The following ADGRE5 variants were observed in gnomAD, a reference collection of about 807,000 sequenced individuals.
ADGRE5 encodes CD97 molecule.
Under a neutral mutation model 100.3 loss-of-function variants are expected in ADGRE5, and 72 were observed. That is an observed-to-expected ratio of 0.72 (90% CI 0.59 to 0.87). The LOEUF (loss-of-function observed/expected upper bound fraction) is 0.87, where lower values mean the gene tolerates loss of function less well. Among genes scored for constraint, ADGRE5 ranks in the 40% least tolerant of loss-of-function variants. The probability of loss-of-function intolerance (pLI) is 0.00; values close to 1 mark genes in which losing one functional copy is unlikely to be tolerated. For synonymous variants in ADGRE5, 439 were observed against 447.8 expected (o/e 0.98, Z 0.25); for missense variants, 959 against 1,094.7 (o/e 0.88, Z 1.75).
At chr19:14,404,988 C>T (rs188155735) in intron 13 of ADGRE5, 6 of 181,126 alleles carry the variant, frequency 3.3e-5, no homozygotes, top group African/African-American at 7.2e-5. Context: ...AGATTACAGG[C>T]GTGCACCACC....
rs746258131 is a variant in ADGRE5, at chr19:14,401,596, C to G, written c.1075+33C>G. On this transcript the variant is annotated intron_variant, in intron 10 of 19. Coordinates refer to ENST00000242786, the MANE Select transcript of ADGRE5 (RefSeq NM_078481.4). This position sits in a 1 kb window ranked among gnomAD's most constrained non-coding sequence, Gnocchi z 4.1. ...CTTGGCCTGGCCTGCCCTGCCCCAA[C>G]CCTGGGCCCCACCTGGTACCTGGGG... 2.5e-6 allele frequency: 4 copies of G among 1,607,588 alleles called. No homozygotes were observed. In the African/African-American group the frequency reaches 5.4e-5, roughly 22 times the overall value.
chr19:14,390,857 A>G (rs532751957), intron 3 of ADGRE5, 67 bp from the exon 4 acceptor site: 1 of 1,576,504 alleles, frequency 6.3e-7, no homozygotes. Context: ...GGGAGTCAGG[A>G]TGGGGGTCTC....
In ADGRE5 at chr19:14,387,495, G is replaced by A. The variant is rs185187590; in HGVS notation, c.23-955G>A. Among the ~76,000 whole-genome samples the A allele has an allele frequency of 2.3e-3, 353 of 150,564 alleles. 3 individuals carry two copies. The highest frequency in any genetic ancestry group is 8.1e-3 in the African/African-American group (330 of 40,958). ...TGTAATCCCAGCACTTTGGGAGGCC[G>A]AGGTGGGTGGATCACGAGGTCAGGA... On this transcript the variant is annotated intron_variant, in intron 1 of 19. Transcript: ENST00000242786.
chr19:14,407,204 T>C lies in ADGRE5; in HGVS notation c.2351T>C (p.Leu784Pro). 1 of 1,614,020 alleles carries C rather than the reference T, an allele frequency of 6.2e-7. No homozygotes were observed. Among genetic ancestry groups the C allele is most frequent in the Non-Finnish European group, 8.5e-7 (1 of 1,179,980 alleles). Residue 784 changes from leucine to proline, a missense_variant, in exon 18 of 20, where the codon CTG (leucine) becomes CCG (proline). Physicochemically the swap from Leu to Pro is moderately conservative, Grantham distance 98 (BLOSUM62 -3). Transcript: ENST00000242786. ...LNCLQGAFLY[L>P]LHCLLNKKVR... ...TGCCTGCAGGGCGCCTTCCTCTACC[T>C]GCTGCACTGCCTGCTCAACAAGAAG...
At chr19:14,389,531 G>A (rs1016690541) in intron 3 of ADGRE5, among the ~76,000 whole-genome samples, 16 of 150,998 alleles carry the variant, frequency 1.1e-4, no homozygotes, top group African/African-American at 2.4e-4. Flanking sequence ...TTGGGAATTC[G>A]AGACTAGCCT....
intron 4 of ADGRE5, chr19:14,391,366 A>G (rs1261226931): frequency 6.8e-6 from 3 of 440,478 alleles, no homozygotes; most frequent in Non-Finnish European, 1.2e-5. Flanking sequence ...GAGATGTGAT[A>G]ACGTTATCAT....
chr19:14,407,347 GC>G, intron 18 of ADGRE5, 118 bp downstream of exon 18: 1 of 1,172,184 alleles, frequency 8.5e-7, no homozygotes, highest in Non-Finnish European at 1.2e-6. Context: ...ATAACCAGAT[GC>G]TGTCTTTACA....
At position 14,401,339 on chromosome 19, in the gene ADGRE5, C is replaced by T; in HGVS notation, c.898-47C>T. ...GTGACATCCAGGTCCTTCAGGCAAC[C>T]CCTGTGGTCTGATGCTCCAGCGATT... On this transcript the variant is annotated intron_variant, in intron 9 of 19. Coordinates refer to ENST00000242786, the MANE Select transcript of ADGRE5 (RefSeq NM_078481.4). This position sits in a 1 kb window ranked among gnomAD's most constrained non-coding sequence, Gnocchi z 4.1. 1 of 1,574,360 alleles carries T rather than the reference C, an allele frequency of 6.4e-7. No homozygotes were observed.
At position 14,402,771 on chromosome 19, in the gene ADGRE5, A is replaced by G. The variant is rs141666295; in HGVS notation, c.1358A>G (p.Asn453Ser). ...GTCAACTCCATCTTTCTGAGCCACAACAACACCAAGGAACTCAACTCCCCC... is the reference window on the plus strand; with the variant it reads ...GTCAACTCCATCTTTCTGAGCCACAGCAACACCAAGGAACTCAACTCCCCC... ...SAVNSIFLSH[N>S]NTKELNSPIL... Residue 453 changes from asparagine to serine, a missense_variant, in exon 12 of 20, where the codon AAC becomes AGC. Physicochemically the swap from Asn to Ser is conservative, Grantham distance 46. This residue lies in a region of ADGRE5 where 246 missense variants were observed against 242.2 expected (regional missense o/e 1.02). Transcript: ENST00000242786. The G allele has an allele frequency of 2.5e-6, 4 of 1,613,956 alleles. No homozygotes were observed. The highest frequency in any genetic ancestry group is 1.7e-5 in the Admixed American group (1 of 59,980).
At chr19:14,396,286 G>A in intron 4 of ADGRE5, 56 bp from the exon 5 acceptor site, 1 of 1,613,790 alleles carries the variant, frequency 6.2e-7, no homozygotes, top group Non-Finnish European at 8.5e-7. Flanking sequence ...CGGACCCTCA[G>A]CCCTGAAAGC....
In ADGRE5 at chr19:14,397,163, C is replaced by T. The variant is rs996096882; in HGVS notation, c.565C>T (p.Arg189Cys). Residue 189 changes from arginine to cysteine, a missense_variant, in exon 6 of 20, where the codon CGC (arginine) becomes TGC (cysteine). Arg to Cys is a radical substitution (Grantham distance 180). Around this residue, in one of 6 missense-constraint regions of ADGRE5, gnomAD observed 83 missense variants for 88.8 expected, o/e 0.93. Transcript: ENST00000242786. ...NNVGSYQCRC[R>C]PGWQPIPGSP... ...CGTGGGCAGCTATCAGTGCCGCTGC[C>T]GCCCGGGCTGGCAACCGATTCCGGG... 1.0e-4 allele frequency: 165 copies of T among 1,613,992 alleles called. No homozygotes were observed. The highest frequency in any genetic ancestry group is 1.3e-4 in the Non-Finnish European group (154 of 1,180,028).
Position 14,388,822 on chromosome 19 carries a change from C to G in ADGRE5, c.190+4C>G. 3 of 1,612,574 alleles carry G rather than the reference C, an allele frequency of 1.9e-6. No homozygotes were observed. Among genetic ancestry groups the G allele is most frequent in the Non-Finnish European group, 2.5e-6 (3 of 1,178,960 alleles). On this transcript the variant is annotated splice_donor_region_variant and intron_variant, in intron 3 of 19. Transcript: ENST00000242786. ...ACCCCGACGGAGACTTGTGACGGTACAGAGGCTTGAGGGCAGCGCAGGGGA... is the reference window on the plus strand; with the variant it reads ...ACCCCGACGGAGACTTGTGACGGTAGAGAGGCTTGAGGGCAGCGCAGGGGA...
At chr19:14,389,902 C>G (rs28672314) in intron 3 of ADGRE5, among the ~76,000 whole-genome samples, 65,035 of 151,258 alleles carry the variant, frequency 0.43, 14,758 homozygotes, top group East Asian at 0.59. Flanking sequence ...AACCTCATCT[C>G]TACTAAAAAT....
At chr19:14,388,007 T>C (rs1975421663) in intron 1 of ADGRE5, among the ~76,000 whole-genome samples, 5 of 151,040 alleles carry the variant, frequency 3.3e-5, no homozygotes, top group South Asian at 2.1e-4. Context: ...ACCCAGGAGG[T>C]AGAGATTGCA....
intron 1 of ADGRE5, among the ~76,000 whole-genome samples, chr19:14,384,268 C>T (rs1173941837): frequency 2.0e-5 from 3 of 152,026 alleles, no homozygotes; most frequent in Admixed American, 2.0e-4. Flanking sequence ...TCTCTGCCTT[C>T]CACCCACCTA....
chr19:14,404,866 GTT>G (rs779348170), intron 13 of ADGRE5: 1,129 of 242,440 alleles, frequency 4.7e-3, no homozygotes, highest in South Asian at 6.8e-3. Context: ...CCACTTGCCC[GTT>G]TTTTTTTTTT....
At position 14,386,858 on chromosome 19, in the gene ADGRE5, CA is replaced by C. The variant is rs779869603; in HGVS notation, c.23-1585del. Among the ~76,000 whole-genome samples, 3 of 151,094 alleles carry C rather than the reference CA, an allele frequency of 2.0e-5. No individual in the cohort carries two copies. The East Asian group carries it at 5.9e-4, about 30-fold the overall frequency. On this transcript the variant is annotated intron_variant, in intron 1 of 19. Transcript: ENST00000242786. ...GTGAAACCCCGTCTCTACAAAAATA[CA>C]AAAAAATCAGCCGGGCTTGGTGGCG...
chr19:14,397,891 A>G lies in ADGRE5; in HGVS notation c.775A>G (p.Met259Val). Reference sequence around the variant, plus strand: ...GCCGCTTGTCTTGTTCCCTACAGATATGACTTTCTCCACCTGGACCCCGCC... The same window carrying G: ...GCCGCTTGTCTTGTTCCCTACAGATGTGACTTTCTCCACCTGGACCCCGCC... ...NNQKDTVCED[M>V]TFSTWTPPPG... is the part of the protein sequence containing the mutation. The change falls in exon 8 of 20, where the codon ATG becomes GTG. Residue 259 changes from methionine to valine, a missense_variant and splice_region_variant. Around this residue, in one of 6 missense-constraint regions of ADGRE5, gnomAD observed 69 missense variants for 135.0 expected, o/e 0.51. Transcript: ENST00000242786. 1 of 1,077,348 alleles carries G rather than the reference A, an allele frequency of 9.3e-7. No homozygotes were observed. The highest frequency in any genetic ancestry group is 2.7e-5 in the East Asian group (1 of 36,694). 66.7% of individuals were successfully genotyped at this position (1,077,348 alleles called of 1,614,324 possible). A position where few individuals can be genotyped will look rare whatever the true frequency, so the allele number is the denominator to read the frequency against.
At chr19:14,388,648 T>G (rs977824086) in intron 2 of ADGRE5, 54 bp from the exon 3 acceptor site, 2 of 1,603,768 alleles carry the variant, frequency 1.2e-6, no homozygotes, top group Non-Finnish European at 1.7e-6. Flanking sequence ...CAGTGCCCCC[T>G]TTTTGTGTAT....
Sources: allele counts gnomAD v4.1 joint callset (sites outside exome capture counted in the v4.1 genomes callset), GRCh38; gene constraint gnomAD v4.1.1; regional missense constraint gnomAD v4.1.1; non-coding constraint Gnocchi (gnomAD v3.1); transcripts MANE v1.5; gene names NCBI Gene and HGNC (gene_info 2026-07-23, HGNC 2026-07-21).